MTMR8: variants seen among roughly 807,000 people sequenced by gnomAD.
MTMR8 encodes phosphatidylinositol-3,5-bisphosphate 3-phosphatase MTMR8.
MTMR8 carries 65 observed loss-of-function variants against 39.3 expected under a neutral mutation model. That is an observed-to-expected ratio of 1.65 (90% confidence interval 1.35 to 2.03). MTMR8 has a LOEUF of 2.03. Ranked by LOEUF, MTMR8 falls within the 30% of genes most tolerant of loss-of-function variation. The pLI is 0.00. For missense variants in MTMR8, 777 were observed against 538.9 expected, an observed-to-expected ratio of 1.44 and a Z score of -4.37; for synonymous variants, 245 against 185.2, an observed-to-expected ratio of 1.32 and a Z score of -2.62.
rs181885561 is a variant in MTMR8 at position 64,388,472 on chromosome X, G to T, written c.24+6868C>A. 1.5e-3 allele frequency among the ~76,000 whole-genome samples: 165 copies of T among 112,333 alleles called. 1 individual carries two copies. Among genetic ancestry groups the T allele is most frequent in the African/African-American group, 5.2e-3 (160 of 30,939 alleles). On this transcript the variant is annotated intron_variant, in intron 1 of 13. Coordinates refer to ENST00000374852, the MANE Select transcript of MTMR8 (RefSeq NM_017677.4). ...TTGTGTCAAGATGTACAAGGTCATTGAAGGTTAAGTGTTAAAAATACAATC... is the reference window on the plus strand; with the variant it reads ...TTGTGTCAAGATGTACAAGGTCATTTAAGGTTAAGTGTTAAAAATACAATC...
intron 11 of MTMR8, among the ~76,000 whole-genome samples, chrX:64,331,178 C>T (rs372138509): frequency 8.9e-6 from 1 of 111,850 alleles, no homozygotes; most frequent in Non-Finnish European, 1.9e-5. Context: ...AAACAAACCA[C>T]GCCTGTTGGG....
chrX:64,304,126 C>A (rs1018463280), intron 12 of MTMR8, among the ~76,000 whole-genome samples: 1 of 111,896 alleles, frequency 8.9e-6, no homozygotes. Flanking sequence ...TGTTTTCTGA[C>A]TTGAGAGTCA....
chrX:64,395,123 C>T (rs916527659), intron 1 of MTMR8, among the ~76,000 whole-genome samples: 2 of 111,797 alleles, frequency 1.8e-5, no homozygotes, highest in African/African-American at 6.5e-5. Context: ...GACAGTGGTG[C>T]AGACCACCTC....
At chrX:64,300,915 T>A (rs1921841852) in intron 12 of MTMR8, among the ~76,000 whole-genome samples, 1 of 111,077 alleles carries the variant, frequency 9.0e-6, no homozygotes, top group African/African-American at 3.3e-5. Flanking sequence ...TCCACTCTCT[T>A]GTGGCTTGTA....
At chrX:64,328,951 T>C in intron 11 of MTMR8, 51 bp from the exon 12 acceptor site, 1 of 1,131,670 alleles carries the variant, frequency 8.8e-7, no homozygotes, top group South Asian at 2.1e-5. Context: ...AAGCAAGTAA[T>C]CTCAATAGTC....
chrX:64,289,474 CA>C (rs1378011766), intron 12 of MTMR8, among the ~76,000 whole-genome samples: 2 of 108,429 alleles, frequency 1.8e-5, no homozygotes, highest in Non-Finnish European at 3.8e-5. Flanking sequence ...CCTGTCTCTA[CA>C]AAAATAAAAT....
Position 64,352,164 on chromosome X carries a change from A to G in MTMR8, c.469-2094T>C, listed in dbSNP as rs745337790. 3.6e-5 allele frequency among the ~76,000 whole-genome samples: 4 copies of G among 111,404 alleles called. No individual in the cohort carries two copies. The East Asian group carries it at 8.6e-4, about 24-fold the overall frequency. On this transcript the variant is annotated intron_variant, in intron 4 of 13. Coordinates refer to ENST00000374852, the MANE Select transcript of MTMR8 (RefSeq NM_017677.4). ...AACGTGCCTATGTGGGCAGGCTCCA[A>G]TAGAATCCCTGAGCACTTTGCCTCT...
At chrX:64,272,191 G>T (rs903158199) in intron 12 of MTMR8, among the ~76,000 whole-genome samples, 5 of 111,347 alleles carry the variant, frequency 4.5e-5, no homozygotes, top group Non-Finnish European at 9.4e-5. Flanking sequence ...TCTGAACAAA[G>T]AAACAAGCTA....
rs756690258 is a variant in MTMR8, at chrX:64,356,253, C to T, written c.233G>A (p.Arg78Gln). Residue 78 changes from arginine (R) to glutamine (Q), a missense_variant, in exon 3 of 14, where the codon CGG (arginine) becomes CAG (glutamine). Physicochemically the swap from Arg to Gln is conservative, Grantham distance 43. Coordinates refer to ENST00000374852, the MANE Select transcript of MTMR8 (RefSeq NM_017677.4). ...AGAATCTAAAACAAAGTGGGCCACCCGGAAATTCTTGCAGCGGAGGGTCAG... is the reference window on the plus strand; with the variant it reads ...AGAATCTAAAACAAAGTGGGCCACCTGGAAATTCTTGCAGCGGAGGGTCAG... ...CPLTLRCKNFRVAHFVLDSDL... is the reference protein window; with the variant it reads ...CPLTLRCKNFQVAHFVLDSDL... 3.3e-5 allele frequency: 40 copies of T among 1,207,664 alleles called. No individual in the cohort carries two copies. In the East Asian group the frequency reaches 4.2e-4, roughly 13 times the overall value.
At chrX:64,292,718 C>A (rs980167536) in intron 12 of MTMR8, among the ~76,000 whole-genome samples, 1 of 110,989 alleles carries the variant, frequency 9.0e-6, no homozygotes, top group African/African-American at 3.3e-5. Flanking sequence ...CCGTAAGGAC[C>A]TGACCCAGGA....
At chrX:64,349,406 T>C (rs1602142012) in intron 5 of MTMR8, among the ~76,000 whole-genome samples, 2 of 111,645 alleles carry the variant, frequency 1.8e-5, no homozygotes, top group Non-Finnish European at 3.8e-5. Flanking sequence ...CTATACTCCT[T>C]AGCACTTGAA....
intron 12 of MTMR8, chrX:64,305,823 G>T (rs1922092456): frequency 3.0e-6 from 1 of 338,823 alleles, no homozygotes; most frequent in Non-Finnish European, 5.6e-6. Context: ...ACATAAATTG[G>T]CCATAACCCA....
intron 12 of MTMR8, among the ~76,000 whole-genome samples, chrX:64,315,208 C>T (rs1018740215): frequency 8.9e-6 from 1 of 112,053 alleles, no homozygotes; most frequent in African/African-American, 3.2e-5. Flanking sequence ...GGGGTCTTCT[C>T]CTGCCAGGAT....
intron 12 of MTMR8, among the ~76,000 whole-genome samples, chrX:64,300,955 C>T (rs996505521): frequency 4.6e-5 from 5 of 109,423 alleles, no homozygotes; most frequent in Non-Finnish European, 9.6e-5. Context: ...CGCTGTTAGT[C>T]TGATGGGCTT....
At chrX:64,311,846 C>T (rs1229168823) in intron 12 of MTMR8, among the ~76,000 whole-genome samples, 3 of 98,939 alleles carry the variant, frequency 3.0e-5, no homozygotes, top group African/African-American at 1.2e-4. Context: ...GGGCTCAGTT[C>T]GGTTCCATTG....
chrX:64,360,396 A>G, intron 1 of MTMR8: 1 of 308,021 alleles, frequency 3.2e-6, no homozygotes, highest in Admixed American at 3.6e-5. Context: ...AGACCAAAAA[A>G]AAAAAAAAAA....
intron 12 of MTMR8, among the ~76,000 whole-genome samples, chrX:64,303,598 C>T (rs911092030): frequency 1.8e-5 from 2 of 112,065 alleles, no homozygotes; most frequent in Non-Finnish European, 3.8e-5. Context: ...TAAAATGAGC[C>T]ACCTTATAAA....
At chrX:64,301,645 G>A (rs1191372501) in intron 12 of MTMR8, among the ~76,000 whole-genome samples, 1 of 111,894 alleles carries the variant, frequency 8.9e-6, no homozygotes, top group East Asian at 2.8e-4. Flanking sequence ...TGGAGGAGGA[G>A]AGGTGCTCTG....
chrX:64,288,333 A>C (rs1331031707), intron 12 of MTMR8, among the ~76,000 whole-genome samples: 2 of 111,433 alleles, frequency 1.8e-5, no homozygotes, highest in Admixed American at 1.9e-4. Flanking sequence ...ATCTCACACC[A>C]GTTACAATGG....
Sources: allele counts gnomAD v4.1 joint callset (sites outside exome capture counted in the v4.1 genomes callset), GRCh38; gene constraint gnomAD v4.1.1; transcripts MANE v1.5; gene names NCBI Gene and HGNC (gene_info 2026-07-23, HGNC 2026-07-21).